CSMD1: variants seen among roughly 807,000 people sequenced by gnomAD.
CSMD1 encodes CUB and sushi domain-containing protein 1.
CSMD1 carries 213 observed loss-of-function variants against 417.5 expected under a neutral mutation model. The observed-to-expected ratio is 0.51, with a 90% CI of 0.46 to 0.57. The LOEUF (loss-of-function observed/expected upper bound fraction) is 0.57. CSMD1 is among the 20% of genes least tolerant of loss of function. CSMD1 has a pLI of 0.00. For synonymous variants in CSMD1, 2,862 were observed against 1,736.8 expected (o/e 1.65, Z -16.11); for missense variants, 6,923 against 4,529.7 (o/e 1.53, Z -15.17).
At chr8:4,155,972 A>G (rs886379327) in intron 3 of CSMD1, among the ~76,000 whole-genome samples, 2 of 152,188 alleles carry the variant, frequency 1.3e-5, no homozygotes, top group East Asian at 1.9e-4. Context: ...TCAAGTCACC[A>G]AAGTCTGCTG....
chr8:3,518,796 T>G (rs1484171219), intron 10 of CSMD1, among the ~76,000 whole-genome samples: 1 of 152,148 alleles, frequency 6.6e-6, no homozygotes, highest in Admixed American at 6.5e-5. Context: ...TAGATGGAAC[T>G]AGACACCATG....
intron 1 of CSMD1, among the ~76,000 whole-genome samples, chr8:4,896,624 A>G (rs1435202691): frequency 1.3e-5 from 2 of 152,284 alleles, no homozygotes; most frequent in East Asian, 3.9e-4. Flanking sequence ...TCCCAGTGGA[A>G]AAACAGAAAC....
intron 2 of CSMD1, among the ~76,000 whole-genome samples, chr8:4,461,963 T>G (rs887736721): frequency 2.0e-5 from 3 of 151,992 alleles, no homozygotes; most frequent in East Asian, 1.9e-4. Context: ...GGATGGGCTC[T>G]ATCTCCCGAC....
chr8:4,496,118 A>C (rs972945711), intron 2 of CSMD1, among the ~76,000 whole-genome samples: 4 of 152,228 alleles, frequency 2.6e-5, no homozygotes, highest in Admixed American at 2.0e-4. Flanking sequence ...GTTAAAGAAA[A>C]GTAGCAATGC....
intron 41 of CSMD1, among the ~76,000 whole-genome samples, chr8:3,125,832 C>G (rs1817478279): frequency 6.6e-6 from 1 of 152,264 alleles, no homozygotes; most frequent in African/African-American, 2.4e-5. Flanking sequence ...CAAAAATTAG[C>G]TGGGCGTGGT....
intron 26 of CSMD1, among the ~76,000 whole-genome samples, chr8:3,249,380 G>C (rs921830717): frequency 2.0e-5 from 3 of 151,938 alleles, no homozygotes; most frequent in African/African-American, 7.2e-5. Flanking sequence ...CCACCACCAC[G>C]CTCGGCTATT....
chr8:4,275,148 C>A (rs148691391), intron 3 of CSMD1, among the ~76,000 whole-genome samples: 6 of 152,064 alleles, frequency 3.9e-5, no homozygotes, highest in African/African-American at 1.2e-4. Context: ...AAAAGAGTAG[C>A]TTTTACGGCA....
chr8:4,694,481 A>T (rs192564905), intron 1 of CSMD1, among the ~76,000 whole-genome samples: 2 of 151,986 alleles, frequency 1.3e-5, no homozygotes, highest in African/African-American at 4.8e-5. Context: ...CCTTCCAAGT[A>T]GCTGGGGCTA....
intron 3 of CSMD1, among the ~76,000 whole-genome samples, chr8:4,244,335 C>A (rs771868805): frequency 2.0e-5 from 3 of 152,094 alleles, no homozygotes; most frequent in Non-Finnish European, 4.4e-5. Context: ...TTGCCTGGAG[C>A]TCCAAGAACT....
At chr8:3,241,518 C>T (rs1032441024) in intron 26 of CSMD1, among the ~76,000 whole-genome samples, 3 of 152,270 alleles carry the variant, frequency 2.0e-5, no homozygotes, top group Admixed American at 1.3e-4. Context: ...AGGAGTGAGT[C>T]AGAGAGTCTT....
chr8:4,964,847 T>C (rs371496469), intron 1 of CSMD1, among the ~76,000 whole-genome samples: 8 of 152,316 alleles, frequency 5.3e-5, no homozygotes, highest in African/African-American at 1.9e-4. Context: ...ATACCAGTCG[T>C]GTCTGATGTA....
At chr8:3,534,800 T>G (rs1378368157) in intron 10 of CSMD1, among the ~76,000 whole-genome samples, 2 of 152,246 alleles carry the variant, frequency 1.3e-5, no homozygotes, top group African/African-American at 4.8e-5. Context: ...TACAAATTTC[T>G]CACACAACAT....
rs766511429 is a variant in CSMD1 at position 3,708,503 on chromosome 8, A to T, written c.932-12T>A. On this transcript the variant is annotated splice_polypyrimidine_tract_variant and intron_variant, in intron 6 of 69. Transcript: ENST00000635120. Reference sequence around the variant, plus strand: ...AATCGCCTTTTTCACTGGAAGAAACAAAACCAAGCCATTAGCAGGTAAGAC... The same window carrying T: ...AATCGCCTTTTTCACTGGAAGAAACTAAACCAAGCCATTAGCAGGTAAGAC... 2 of 1,612,996 alleles carry T rather than the reference A, an allele frequency of 1.2e-6. No individual in the cohort carries two copies. The highest frequency in any genetic ancestry group is 1.7e-6 in the Non-Finnish European group (2 of 1,179,016).
intron 26 of CSMD1, among the ~76,000 whole-genome samples, chr8:3,241,114 A>G (rs1436808870): frequency 6.6e-6 from 1 of 151,376 alleles, no homozygotes; most frequent in African/African-American, 2.4e-5. Context: ...ATTGGGAAGA[A>G]GGGCGGCAAT....
intron 41 of CSMD1, among the ~76,000 whole-genome samples, chr8:3,124,877 T>A (rs1227430147): frequency 6.6e-6 from 1 of 152,232 alleles, no homozygotes; most frequent in African/African-American, 2.4e-5. Flanking sequence ...CTCAAGAATT[T>A]AAAATGCCAA....
chr8:3,025,163 G>A (rs1246098351), intron 51 of CSMD1, among the ~76,000 whole-genome samples: 1 of 149,748 alleles, frequency 6.7e-6, no homozygotes. Context: ...ACTGTGTATT[G>A]TGTGGTGTTA....
chr8:4,035,446 G>A (rs963583857), intron 3 of CSMD1, among the ~76,000 whole-genome samples: 5 of 152,166 alleles, frequency 3.3e-5, no homozygotes, highest in Non-Finnish European at 7.3e-5. Flanking sequence ...CCTTCAGGAA[G>A]GATTCCAAAA....
intron 2 of CSMD1, among the ~76,000 whole-genome samples, chr8:4,575,043 T>G (rs1242687707): frequency 6.6e-6 from 1 of 152,194 alleles, no homozygotes; most frequent in Non-Finnish European, 1.5e-5. Context: ...AAAACCAGGT[T>G]TTTTAAAAGT....
In CSMD1 at chr8:3,651,173, C is replaced by T. The variant is rs188360163; in HGVS notation, c.1010-34376G>A. Reference sequence around the variant, plus strand: ...GCCGGTCTTTGTACTTTCCCCTGGTCTCTGTTCCCTAGAATGTATTCTCAA... The same window carrying T: ...GCCGGTCTTTGTACTTTCCCCTGGTTTCTGTTCCCTAGAATGTATTCTCAA... On this transcript the variant is annotated intron_variant, in intron 7 of 69. Coordinates refer to ENST00000635120, the MANE Select transcript of CSMD1 (RefSeq NM_033225.6). 3.9e-5 allele frequency among the ~76,000 whole-genome samples: 6 copies of T among 152,296 alleles called. No individual in the cohort carries two copies. In the East Asian group the frequency reaches 7.7e-4, roughly 20 times the overall value.
Sources: gnomAD v4.1 joint callset for allele counts (sites outside exome capture counted in the v4.1 genomes callset) on GRCh38, gnomAD v4.1.1 for gene constraint, MANE v1.5 for transcripts, NCBI Gene and HGNC (gene_info 2026-07-23, HGNC 2026-07-21) for gene names.